DDIAS: variants seen among roughly 807,000 people sequenced by gnomAD.
DDIAS encodes the protein DNA damage-induced apoptosis suppressor protein.
Under a neutral mutation model 15.7 loss-of-function variants are expected in DDIAS, and 14 were observed. That is an observed-to-expected ratio of 0.89 (90% CI 0.59 to 1.39). DDIAS has a LOEUF of 1.39. DDIAS is among the 40% of genes most tolerant of loss of function. The pLI is 0.00. For synonymous variants in DDIAS, 355 were observed against 395.9 expected (o/e 0.90, Z 1.23); for missense variants, 1,035 against 1,130.9 (o/e 0.92, Z 1.22).
In DDIAS at chr11:82,932,651, C is replaced by A; in HGVS notation, c.1313C>A (p.Ala438Glu). Residue 438 changes from alanine to glutamate, a missense_variant, in exon 6 of 6, where the codon GCA (alanine) becomes GAA (glutamate). Physicochemically the swap from Ala to Glu is moderately radical, Grantham distance 107 (BLOSUM62 -1). Transcript: ENST00000533655. The part of the protein sequence containing the change: ...VLESEIAVTQ[A>E]DVSSRKHHVD... ...GAAAGTGAGATTGCTGTAACCCAGG[C>A]AGATGTCAGTAGTAGGAAACATCAT... The A allele has an allele frequency of 6.2e-7, 1 of 1,614,048 alleles. No individual in the cohort carries two copies. The highest frequency in any genetic ancestry group is 8.5e-7 in the Non-Finnish European group (1 of 1,180,024).
At chr11:82,926,033 C>T (rs923538493) in intron 3 of DDIAS, among the ~76,000 whole-genome samples, 12 of 150,476 alleles carry the variant, frequency 8.0e-5, no homozygotes, top group African/African-American at 2.9e-4. Context: ...ACAGTGTAGA[C>T]GTATTTCAAA....
chr11:82,913,723 A>G (rs190737351), intron 2 of DDIAS: 2 of 445,784 alleles, frequency 4.5e-6, no homozygotes, highest in African/African-American at 4.1e-5. Context: ...ATTTCCACCA[A>G]TTTAGGTTCT....
chr11:82,903,282 G>C (rs1331870605), intron 1 of DDIAS, among the ~76,000 whole-genome samples: 2 of 152,090 alleles, frequency 1.3e-5, no homozygotes, highest in Admixed American at 1.3e-4. Context: ...AATATATGAG[G>C]GAAAAGTGAA....
intron 1 of DDIAS, among the ~76,000 whole-genome samples, chr11:82,909,593 G>T (rs1296954870): frequency 6.6e-6 from 1 of 152,150 alleles, no homozygotes; most frequent in Non-Finnish European, 1.5e-5. Context: ...TCTTTTGACA[G>T]TTGCAATGGC....
At chr11:82,916,125 T>G (rs1860628837) in intron 3 of DDIAS, among the ~76,000 whole-genome samples, 1 of 152,164 alleles carries the variant, frequency 6.6e-6, no homozygotes, top group African/African-American at 2.4e-5. Flanking sequence ...TCTCATTAAC[T>G]ATGTGACCTA....
At chr11:82,919,849 C>G (rs1156847690) in intron 3 of DDIAS, among the ~76,000 whole-genome samples, 1 of 152,148 alleles carries the variant, frequency 6.6e-6, no homozygotes, top group Non-Finnish European at 1.5e-5. Flanking sequence ...CCTCAGCCTC[C>G]TGAGTAGCTG....
chr11:82,913,948 C>A (rs182693855), intron 2 of DDIAS: 210 of 421,084 alleles, frequency 5.0e-4, no homozygotes, highest in African/African-American at 4.3e-3. Context: ...TTTTTTTTTT[C>A]TTTTTTAGAT....
chr11:82,912,705 C>T (rs969167771), intron 1 of DDIAS, among the ~76,000 whole-genome samples: 2 of 152,180 alleles, frequency 1.3e-5, no homozygotes, highest in Admixed American at 6.5e-5. Context: ...ATTTCCTTTA[C>T]ATTCACAACT....
intron 1 of DDIAS, among the ~76,000 whole-genome samples, chr11:82,909,659 G>C (rs1194549363): frequency 1.3e-5 from 2 of 152,100 alleles, no homozygotes; most frequent in African/African-American, 2.4e-5. Context: ...CCTTCTTTCT[G>C]CCTTTCCTTT....
chr11:82,920,276 G>A (rs1398025391), intron 3 of DDIAS, among the ~76,000 whole-genome samples: 2 of 151,802 alleles, frequency 1.3e-5, no homozygotes, highest in African/African-American at 2.4e-5. Flanking sequence ...TCTCTTCTTG[G>A]TTAATCTTGC....
intron 3 of DDIAS, 45 bp downstream of exon 3, chr11:82,914,896 C>G (rs903032672): frequency 4.6e-6 from 6 of 1,291,004 alleles, no homozygotes; most frequent in African/African-American, 4.5e-5. Flanking sequence ...TACAAATGCA[C>G]ACTGTAGATT....
At chr11:82,911,683 A>G (rs1340997330) in intron 1 of DDIAS, among the ~76,000 whole-genome samples, 1 of 152,206 alleles carries the variant, frequency 6.6e-6, no homozygotes, top group East Asian at 1.9e-4. Context: ...CCTCCCATAA[A>G]TCATGAATGT....
rs577806347 is a variant in DDIAS, at chr11:82,930,967, CTTT to C, written c.393+696_393+698del. 3.3e-4 allele frequency among the ~76,000 whole-genome samples: 50 copies of C among 152,240 alleles called. No homozygotes were observed. The South Asian group carries it at 0.01, about 31-fold the overall frequency. On this transcript the variant is annotated intron_variant, in intron 5 of 5. Coordinates refer to ENST00000533655, the MANE Select transcript of DDIAS (RefSeq NM_145018.4). ...AGACAGTCCTTTTCTCTCCTCTCTT[CTTT>C]TTCCTCCTCCCCTTTTTCCCCTCCC...
Position 82,928,906 on chromosome 11 carries a change from A to AT in DDIAS, c.249dup (p.Gly84TrpfsTer15). ...CTGTATTTGGAAGTTGCTTAGATACATTTTTTGGTCTTACTGCCACTGGTT... is the reference window on the plus strand; with the variant it reads ...CTGTATTTGGAAGTTGCTTAGATACATTTTTTTGGTCTTACTGCCACTGGTT... On this transcript the variant is annotated frameshift_variant, in exon 4 of 6. Coordinates refer to ENST00000533655, the MANE Select transcript of DDIAS (RefSeq NM_145018.4). LOFTEE classifies it high-confidence loss of function. 3 of 1,612,308 alleles carry AT rather than the reference A, an allele frequency of 1.9e-6. No homozygotes were observed. Among genetic ancestry groups the AT allele is most frequent in the Non-Finnish European group, 2.5e-6 (3 of 1,179,604 alleles).
chr11:82,904,355 G>A (rs1230591927), intron 1 of DDIAS, among the ~76,000 whole-genome samples: 5 of 152,184 alleles, frequency 3.3e-5, no homozygotes, highest in Non-Finnish European at 2.9e-5. Context: ...AGATGTGTTG[G>A]TATGTGCATG....
rs1431274245 is a variant in DDIAS, at chr11:82,928,878, T to C, written c.215T>C (p.Ile72Thr). ...KVAESNKLFV[I>T]TVFGSCLDTF... ...GCAGAATCAAACAAATTGTTTGTTA[T>C]TACTGTATTTGGAAGTTGCTTAGAT... Residue 72 changes from isoleucine to threonine, a missense_variant, in exon 4 of 6, where the codon ATT becomes ACT. Physicochemically the swap from Ile to Thr is moderately conservative, Grantham distance 89. Coordinates refer to ENST00000533655, the MANE Select transcript of DDIAS (RefSeq NM_145018.4). The C allele has an allele frequency of 1.9e-6, 3 of 1,613,148 alleles. No individual in the cohort carries two copies. In the African/African-American group the frequency reaches 4.0e-5, roughly 22 times the overall value.
chr11:82,909,753 G>A (rs1378669241), intron 1 of DDIAS, among the ~76,000 whole-genome samples: 3 of 152,066 alleles, frequency 2.0e-5, no homozygotes, highest in East Asian at 3.8e-4. Context: ...ATACATAATC[G>A]GCTTTGGCAG....
intron 1 of DDIAS, among the ~76,000 whole-genome samples, chr11:82,903,611 C>T (rs1860370560): frequency 6.6e-6 from 1 of 152,152 alleles, no homozygotes; most frequent in Admixed American, 6.5e-5. Context: ...CTCCTGCCTG[C>T]CTCTCTTACT....
Position 82,930,274 on chromosome 11 carries a change from G to T in DDIAS, c.393G>T (p.Thr131=), listed in dbSNP as rs762266588. The change falls in exon 5 of 6, where the codon ACG becomes ACT. Residue 131 remains threonine (T), a splice_region_variant and synonymous_variant. Coordinates refer to ENST00000533655, the MANE Select transcript of DDIAS (RefSeq NM_145018.4). ...GACAAAGCTTTATTTTTGGAGTGAC[G>T]GTAATTGAGACTAGCTTTCTTTTTA... ...FVGQSFIFGV[T]NFENQPGQGS... 61 of 1,511,690 alleles carry T rather than the reference G, an allele frequency of 4.0e-5. No individual in the cohort carries two copies. Among genetic ancestry groups the T allele is most frequent in the Non-Finnish European group, 4.9e-5 (54 of 1,099,482 alleles). The allele number at this position is 1,511,690 out of a possible 1,614,324, so 93.6% of individuals were successfully genotyped here.
Sources: gnomAD v4.1 joint callset for allele counts (sites outside exome capture counted in the v4.1 genomes callset) on GRCh38, gnomAD v4.1.1 for gene constraint, MANE v1.5 for transcripts, NCBI Gene and HGNC (gene_info 2026-07-23, HGNC 2026-07-21) for gene names.